STK33: variants seen among roughly 807,000 people sequenced by gnomAD.
STK33 encodes serine/threonine kinase 33.
In STK33, 52 loss-of-function variants were observed where a neutral mutation model predicts 58.0. That is an observed-to-expected ratio of 0.90 (90% CI 0.72 to 1.13). STK33 has a LOEUF of 1.13. Among genes scored for constraint, STK33 ranks in the 50% most tolerant of loss-of-function variants. STK33 has a pLI of 0.00. For missense variants in STK33, 630 were observed against 604.2 expected (o/e 1.04, Z -0.45); for synonymous variants, 215 against 200.1 (o/e 1.07, Z -0.63).
At chr11:8,538,275 T>A (rs566555805) in intron 1 of STK33, among the ~76,000 whole-genome samples, 6 of 152,288 alleles carry the variant, frequency 3.9e-5, no homozygotes, top group African/African-American at 1.4e-4. Flanking sequence ...ACATATTAAC[T>A]CATTTAATAC....
chr11:8,483,724 T>G (rs1950008156), intron 1 of STK33, among the ~76,000 whole-genome samples: 1 of 152,192 alleles, frequency 6.6e-6, no homozygotes, highest in Non-Finnish European at 1.5e-5. Context: ...CAAAATCTAC[T>G]GCCGAACGAA....
chr11:8,337,705 G>C, the STK33 span, among the ~76,000 whole-genome samples: 2 of 151,548 alleles, frequency 1.3e-5, no homozygotes, highest in Non-Finnish European at 2.9e-5. Flanking sequence ...ACCGTTTCTC[G>C]TCTACCGCTC....
At chr11:8,419,583 A>C (rs1477854502) in intron 14 of STK33, among the ~76,000 whole-genome samples, 1 of 152,182 alleles carries the variant, frequency 6.6e-6, no homozygotes, top group Non-Finnish European at 1.5e-5. Flanking sequence ...TTGGTTCCAT[A>C]TGAATTTTAA....
chr11:8,519,057 C>A (rs1208293740), intron 1 of STK33, among the ~76,000 whole-genome samples: 1 of 152,182 alleles, frequency 6.6e-6, no homozygotes, highest in Non-Finnish European at 1.5e-5. Context: ...AGCACCACAT[C>A]ACAATTATTC....
the STK33 span, among the ~76,000 whole-genome samples, chr11:8,364,147 C>T: frequency 2.0e-5 from 3 of 152,204 alleles, no homozygotes; most frequent in African/African-American, 7.2e-5. Context: ...CCTCCTTCCT[C>T]GTTTATGTCA....
At chr11:8,518,370 C>T (rs1454071505) in intron 1 of STK33, among the ~76,000 whole-genome samples, 3 of 152,136 alleles carry the variant, frequency 2.0e-5, no homozygotes, top group East Asian at 1.9e-4. Flanking sequence ...ACAACCGGTA[C>T]CAGCCACTGC....
chr11:8,593,308 T>C (rs1338988395), intron 1 of STK33, among the ~76,000 whole-genome samples: 2 of 152,218 alleles, frequency 1.3e-5, no homozygotes, highest in African/African-American at 4.8e-5. Context: ...CTATCCTATT[T>C]TCTGGTTGGA....
intron 1 of STK33, among the ~76,000 whole-genome samples, chr11:8,524,897 GGATA>G (rs545145124): frequency 6.6e-6 from 1 of 151,662 alleles, no homozygotes; most frequent in Non-Finnish European, 1.5e-5. Context: ...CTTTTTGAGG[GGATA>G]GATATGTTTA....
Position 8,474,445 on chromosome 11 carries a change from T to C in STK33, c.225+236A>G, listed in dbSNP as rs372271650. ...AAACCATTAAAAAAAGAAGTTGGTA[T>C]AACGTGTTTAATTACCTCATGTCCT... On this transcript the variant is annotated intron_variant, in intron 5 of 15. Coordinates refer to ENST00000687296, the MANE Select transcript of STK33 (RefSeq NM_001352389.2). 1.3e-4 allele frequency among the ~76,000 whole-genome samples: 20 copies of C among 152,340 alleles called. No homozygotes were observed. In the East Asian group the frequency reaches 2.5e-3, roughly 19 times the overall value.
intron 1 of STK33, among the ~76,000 whole-genome samples, chr11:8,538,810 T>A (rs1167893789): frequency 6.6e-6 from 1 of 152,168 alleles, no homozygotes; most frequent in East Asian, 1.9e-4. Context: ...GCTACTTTTT[T>A]AAAATGTCAA....
the STK33 span, among the ~76,000 whole-genome samples, chr11:8,362,875 C>T: frequency 2.1e-3 from 315 of 151,544 alleles, 2 homozygotes; most frequent in South Asian, 5.0e-3. Flanking sequence ...TCTCTTCCTC[C>T]CTCCCTCCCT....
intron 15 of STK33, among the ~76,000 whole-genome samples, chr11:8,401,917 T>A (rs1938069966): frequency 6.6e-6 from 1 of 152,020 alleles, no homozygotes. Flanking sequence ...CACAATGAGA[T>A]ACCATCTCAC....
intron 12 of STK33, among the ~76,000 whole-genome samples, chr11:8,440,091 G>A (rs915065632): frequency 6.6e-6 from 1 of 151,802 alleles, no homozygotes; most frequent in Non-Finnish European, 1.5e-5. Context: ...AGAAATCAAA[G>A]AATAGGTAAG....
chr11:8,349,701 G>T, the STK33 span, among the ~76,000 whole-genome samples: 2 of 152,220 alleles, frequency 1.3e-5, no homozygotes, highest in African/African-American at 4.8e-5. Context: ...CTTGCCCCCA[G>T]TCGGGACAAT....
the STK33 span, among the ~76,000 whole-genome samples, chr11:8,334,841 G>C: frequency 6.6e-6 from 1 of 152,150 alleles, no homozygotes; most frequent in Non-Finnish European, 1.5e-5. Flanking sequence ...TCCAGAACCA[G>C]GTTCCATCTA....
intron 15 of STK33, among the ~76,000 whole-genome samples, chr11:8,403,298 T>TG (rs1398582115): frequency 3.9e-5 from 6 of 152,216 alleles, no homozygotes; most frequent in Non-Finnish European, 8.8e-5. Context: ...TATAAAATCA[T>TG]GATGAATTCG....
chr11:8,534,564 CTCTCTGTGTGTG>C (rs777824335), intron 1 of STK33, among the ~76,000 whole-genome samples: 3,977 of 118,020 alleles, frequency 0.034, 103 homozygotes, highest in Admixed American at 0.067. Flanking sequence ...CTCTCTCTCT[CTCTCTGTGTGTG>C]TGTGTGTGTG....
intron 14 of STK33, among the ~76,000 whole-genome samples, chr11:8,423,553 T>A: frequency 6.6e-6 from 1 of 152,080 alleles, no homozygotes; most frequent in South Asian, 2.1e-4. Context: ...AATCTTGTTG[T>A]TTACTGGCTT....
chr11:8,386,024 T>C, the STK33 span, among the ~76,000 whole-genome samples: 3 of 151,958 alleles, frequency 2.0e-5, no homozygotes, highest in Admixed American at 6.5e-5. Flanking sequence ...CCACCCACCT[T>C]GGCCTCCCAA....
Sources: allele counts gnomAD v4.1 joint callset (sites outside exome capture counted in the v4.1 genomes callset), GRCh38; gene constraint gnomAD v4.1.1; transcripts MANE v1.5; gene names NCBI Gene and HGNC (gene_info 2026-07-23, HGNC 2026-07-21).